Variants in TMTC2 observed in about 807,000 individuals in gnomAD.
The protein encoded by TMTC2 is transmembrane O-mannosyltransferase targeting cadherins 2.
In TMTC2, 43 loss-of-function variants were observed where a neutral mutation model predicts 82.4. The observed-to-expected ratio is 0.52, with a 90% CI of 0.41 to 0.67. The LOEUF (loss-of-function observed/expected upper bound fraction) is 0.67. TMTC2 is among the 30% of genes least tolerant of loss of function. The pLI is 0.00. For missense variants in TMTC2, 919 were observed against 1,012.4 expected, an observed-to-expected ratio of 0.91 and a Z score of 1.25; for synonymous variants, 408 against 381.9, an observed-to-expected ratio of 1.07 and a Z score of -0.80.
At chr12:83,107,613 AC>A (rs1330784359) in intron 11 of TMTC2, among the ~76,000 whole-genome samples, 2 of 152,220 alleles carry the variant, frequency 1.3e-5, no homozygotes, top group African/African-American at 4.8e-5. Flanking sequence ...AATTTAGAGG[AC>A]CGTTTCAACC....
chr12:82,872,559 G>A (rs75576155), intron 2 of TMTC2, among the ~76,000 whole-genome samples: 2,171 of 152,210 alleles, frequency 0.014, 59 homozygotes, highest in African/African-American at 0.05. Context: ...TTCCCGCATT[G>A]CTTTATATGG....
At chr12:82,737,991 CA>C (rs1006386339) in intron 1 of TMTC2, among the ~76,000 whole-genome samples, 1 of 151,906 alleles carries the variant, frequency 6.6e-6, no homozygotes, top group African/African-American at 2.4e-5. Flanking sequence ...ATTGGGGTGG[CA>C]AAAAAACTAA....
At position 82,693,953 on chromosome 12, in the gene TMTC2, A is replaced by G. The variant is rs559508693; in HGVS notation, c.83+6284A>G. Among the ~76,000 whole-genome samples the G allele has an allele frequency of 9.6e-5, 13 of 135,240 alleles. No homozygotes were observed. In the South Asian group the frequency reaches 3.3e-3, roughly 34 times the overall value. The allele number at this position is 135,240 out of a possible 152,430, so 88.7% of individuals were successfully genotyped here. ...ACCATACTCCAGCCTGGTCAACAAG[A>G]GTGAAACTCCATCTCAAAAAAAAAA... On this transcript the variant is annotated intron_variant, in intron 1 of 11. Coordinates refer to ENST00000321196, the MANE Select transcript of TMTC2 (RefSeq NM_152588.3).
chr12:82,991,695 G>A (rs1879409933), intron 8 of TMTC2, among the ~76,000 whole-genome samples: 1 of 152,106 alleles, frequency 6.6e-6, no homozygotes, highest in African/African-American at 2.4e-5. Flanking sequence ...TTAAAATTGT[G>A]ATTTATTCCT....
At chr12:83,006,064 G>A (rs1467665799) in intron 8 of TMTC2, among the ~76,000 whole-genome samples, 1 of 152,212 alleles carries the variant, frequency 6.6e-6, no homozygotes, top group African/African-American at 2.4e-5. Flanking sequence ...TCAACTGTCT[G>A]TAGGGGTGGT....
At chr12:83,106,278 T>C (rs1884390927) in intron 11 of TMTC2, among the ~76,000 whole-genome samples, 1 of 152,082 alleles carries the variant, frequency 6.6e-6, no homozygotes, top group South Asian at 2.1e-4. Flanking sequence ...GGCGGGCAGA[T>C]CACCTGAGGT....
At chr12:83,056,862 C>T (rs1882563442) in intron 10 of TMTC2, among the ~76,000 whole-genome samples, 1 of 151,900 alleles carries the variant, frequency 6.6e-6, no homozygotes, top group Non-Finnish European at 1.5e-5. Context: ...AACCCTGTGC[C>T]TTTCCGGTAT....
intron 3 of TMTC2, among the ~76,000 whole-genome samples, chr12:82,915,123 C>T (rs1353780574): frequency 6.6e-6 from 1 of 152,076 alleles, no homozygotes; most frequent in Admixed American, 6.6e-5. Flanking sequence ...CTGTGCTCGG[C>T]CTTACAATTC....
intron 11 of TMTC2, among the ~76,000 whole-genome samples, chr12:83,101,807 A>C (rs1325177642): frequency 6.6e-6 from 1 of 152,214 alleles, no homozygotes; most frequent in African/African-American, 2.4e-5. Context: ...AGTAGTAAAC[A>C]AATGTAAGAT....
At chr12:82,930,674 C>G (rs928040035) in intron 4 of TMTC2, 129 bp downstream of exon 4, 2 of 529,664 alleles carry the variant, frequency 3.8e-6, no homozygotes, top group Admixed American at 3.4e-5. Flanking sequence ...GTTAATCATG[C>G]CTCTGAGACT....
rs554741456 is a variant in TMTC2 at position 82,756,451 on chromosome 12, C to T, written c.83+68782C>T. 5.6e-4 allele frequency among the ~76,000 whole-genome samples: 86 copies of T among 152,282 alleles called. 1 individual carries two copies. The South Asian group carries it at 0.013, about 22-fold the overall frequency. The stretch of plus-strand genomic sequence containing the variant: ...AGCAATCATCCTGCCAGTAAAGCTG[C>T]GTGAGGGTTTTACCTTACTGATGTG... On this transcript the variant is annotated intron_variant, in intron 1 of 11. Transcript: ENST00000321196.
chr12:82,931,404 T>A (rs549673969), intron 4 of TMTC2, among the ~76,000 whole-genome samples: 26 of 152,194 alleles, frequency 1.7e-4, no homozygotes, highest in African/African-American at 6.3e-4. Context: ...GTTAGAAAAA[T>A]CCCTAGGGGA....
chr12:83,047,740 A>G (rs1222369900), intron 9 of TMTC2, among the ~76,000 whole-genome samples: 2 of 152,238 alleles, frequency 1.3e-5, no homozygotes, highest in Non-Finnish European at 2.9e-5. Flanking sequence ...TATATGTTCC[A>G]TGTAGTTTTT....
intron 9 of TMTC2, among the ~76,000 whole-genome samples, chr12:83,044,210 T>A (rs1215619515): frequency 6.6e-6 from 1 of 152,212 alleles, no homozygotes; most frequent in African/African-American, 2.4e-5. Flanking sequence ...CACATAGAGA[T>A]ATTATTAATA....
At chr12:82,989,131 A>G (rs1414087912) in intron 8 of TMTC2, among the ~76,000 whole-genome samples, 1 of 151,944 alleles carries the variant, frequency 6.6e-6, no homozygotes, top group Admixed American at 6.6e-5. Flanking sequence ...AAGAGCTTAT[A>G]GAATTTAAAG....
chr12:82,733,716 C>T (rs1281939956), intron 1 of TMTC2, among the ~76,000 whole-genome samples: 4 of 152,112 alleles, frequency 2.6e-5, no homozygotes, highest in East Asian at 1.9e-4. Context: ...AAGTAAGGTA[C>T]GTGGTGACAC....
intron 1 of TMTC2, among the ~76,000 whole-genome samples, chr12:82,849,758 C>T (rs1213153938): frequency 6.6e-6 from 1 of 152,048 alleles, no homozygotes; most frequent in African/African-American, 2.4e-5. Context: ...GACTAAGAGG[C>T]ATTTACTGGC....
intron 1 of TMTC2, among the ~76,000 whole-genome samples, chr12:82,846,348 ACT>A (rs1054621577): frequency 1.4e-4 from 21 of 151,784 alleles, no homozygotes; most frequent in African/African-American, 4.8e-4. Flanking sequence ...ACAGAACGAG[ACT>A]CTGTCTTTTT....
intron 1 of TMTC2, among the ~76,000 whole-genome samples, chr12:82,731,365 G>GT (rs1565726196): frequency 6.6e-6 from 1 of 152,134 alleles, no homozygotes; most frequent in Non-Finnish European, 1.5e-5. Context: ...TGAATTTAGA[G>GT]TTTTTTCTCA....
Sources: gnomAD v4.1 joint callset for allele counts (sites outside exome capture counted in the v4.1 genomes callset) on GRCh38, gnomAD v4.1.1 for gene constraint, MANE v1.5 for transcripts, NCBI Gene and HGNC (gene_info 2026-07-23, HGNC 2026-07-21) for gene names.